The following MAGI2 variants were observed in gnomAD, a reference collection of about 807,000 sequenced individuals.
MAGI2 encodes membrane-associated guanylate kinase, WW and PDZ domain-containing protein 2.
A neutral mutation model predicts 133.3 loss-of-function variants in MAGI2; 35 were observed. The ratio of observed to expected loss-of-function variants is 0.26; its 90% CI spans 0.20 to 0.35. The LOEUF is 0.35. Among genes scored for constraint, MAGI2 ranks in the 10% least tolerant of loss-of-function variants. The pLI is 1.00. For synonymous variants in MAGI2, 729 were observed against 710.6 expected (o/e 1.03, Z -0.41); for missense variants, 1,636 against 1,863.4 (o/e 0.88, Z 2.25).
intron 10 of MAGI2, among the ~76,000 whole-genome samples, chr7:78,232,185 A>G (rs962669246): frequency 2.6e-4 from 39 of 152,202 alleles, no homozygotes; most frequent in African/African-American, 8.7e-4. Context: ...GACAAGGGCA[A>G]ATAGCTAAAC....
At chr7:79,259,327 G>A (rs1296497377) in intron 1 of MAGI2, among the ~76,000 whole-genome samples, 1 of 152,042 alleles carries the variant, frequency 6.6e-6, no homozygotes, top group Non-Finnish European at 1.5e-5. Context: ...AAGCTGAATG[G>A]CACCTTATAG....
intron 20 of MAGI2, among the ~76,000 whole-genome samples, chr7:78,110,339 T>G (rs148621098): frequency 5.3e-3 from 810 of 152,188 alleles, no homozygotes; most frequent in African/African-American, 0.019. Context: ...AGACCAGGGG[T>G]ATATGCATCC....
intron 1 of MAGI2, among the ~76,000 whole-genome samples, chr7:79,364,162 A>T (rs991040445): frequency 6.6e-6 from 1 of 152,034 alleles, no homozygotes; most frequent in African/African-American, 2.4e-5. Flanking sequence ...GACAGCCATT[A>T]TAAAAAACAG....
chr7:79,132,643 T>C (rs971502464), intron 1 of MAGI2, among the ~76,000 whole-genome samples: 1 of 152,124 alleles, frequency 6.6e-6, no homozygotes, highest in African/African-American at 2.4e-5. Context: ...CTTCTTTTCC[T>C]TTGCGTAGAT....
At chr7:78,269,776 C>T (rs1027743508) in intron 9 of MAGI2, among the ~76,000 whole-genome samples, 7 of 152,118 alleles carry the variant, frequency 4.6e-5, no homozygotes, top group African/African-American at 1.7e-4. Flanking sequence ...TTAATTAGAT[C>T]CCATTTGTCA....
chr7:78,883,787 T>C (rs548885533), intron 2 of MAGI2, among the ~76,000 whole-genome samples: 1 of 152,282 alleles, frequency 6.6e-6, no homozygotes, highest in East Asian at 1.9e-4. Context: ...GGTGCTGGGA[T>C]AACTGGCTAG....
chr7:78,969,755 T>C (rs1354930264), intron 2 of MAGI2, among the ~76,000 whole-genome samples: 2 of 152,098 alleles, frequency 1.3e-5, no homozygotes, highest in Non-Finnish European at 2.9e-5. Context: ...TCGAAATTAC[T>C]GCCTACTTTT....
intron 2 of MAGI2, among the ~76,000 whole-genome samples, chr7:78,993,760 T>C (rs1008748727): frequency 4.6e-5 from 7 of 152,186 alleles, no homozygotes; most frequent in African/African-American, 1.7e-4. Flanking sequence ...ATGGTTTTAT[T>C]ACCTGGGCTG....
At chr7:78,129,203 G>GGAGCA (rs3840602) in intron 18 of MAGI2, among the ~76,000 whole-genome samples, 14,856 of 152,124 alleles carry the variant, frequency 0.098, 793 homozygotes, top group African/African-American at 0.11. Flanking sequence ...AGTAAAAATA[G>GGAGCA]GAGCAGATGA....
intron 1 of MAGI2, among the ~76,000 whole-genome samples, chr7:79,281,198 A>G (rs569961671): frequency 1.3e-5 from 2 of 152,260 alleles, no homozygotes; most frequent in South Asian, 4.1e-4. Flanking sequence ...CAGGGACTAC[A>G]TACATTTTCC....
At chr7:79,137,509 G>A (rs1483825606) in intron 1 of MAGI2, among the ~76,000 whole-genome samples, 1 of 148,566 alleles carries the variant, frequency 6.7e-6, no homozygotes, top group East Asian at 2.0e-4. Context: ...GTGTAGTGTA[G>A]TGGTGTGATC....
chr7:78,833,130 C>G (rs1791335862), intron 2 of MAGI2, among the ~76,000 whole-genome samples: 1 of 152,166 alleles, frequency 6.6e-6, no homozygotes, highest in African/African-American at 2.4e-5. Flanking sequence ...ACTGTTACTG[C>G]TGATTAATAT....
intron 1 of MAGI2, among the ~76,000 whole-genome samples, chr7:79,391,540 C>CATATATATATATAT: frequency 2.1e-5 from 1 of 46,694 alleles, no homozygotes; most frequent in East Asian, 5.5e-4. Flanking sequence ...TATATATAGA[C>CATATATATATATAT]ATATATATAT....
At chr7:78,931,425 T>C (rs1478468967) in intron 2 of MAGI2, among the ~76,000 whole-genome samples, 1 of 152,130 alleles carries the variant, frequency 6.6e-6, no homozygotes, top group Non-Finnish European at 1.5e-5. Context: ...TGAGAGCCAG[T>C]GAGCAATTGG....
chr7:78,655,411 AAAC>A (rs1812073338), intron 2 of MAGI2, among the ~76,000 whole-genome samples: 1 of 148,728 alleles, frequency 6.7e-6, no homozygotes, highest in African/African-American at 2.5e-5. Flanking sequence ...ACAAAAAACA[AAAC>A]AAAACAAAAC....
At chr7:78,120,269 G>A (rs1217939804) in intron 20 of MAGI2, among the ~76,000 whole-genome samples, 1 of 152,120 alleles carries the variant, frequency 6.6e-6, no homozygotes, top group Admixed American at 6.5e-5. Flanking sequence ...CGGGCGTGGT[G>A]GCAGGTGCCT....
At chr7:79,241,608 C>T (rs1437293287) in intron 1 of MAGI2, among the ~76,000 whole-genome samples, 2 of 152,142 alleles carry the variant, frequency 1.3e-5, no homozygotes, top group Non-Finnish European at 2.9e-5. Context: ...AAACTGACCC[C>T]ATCTTTGTTT....
In MAGI2 at chr7:78,174,656, A is replaced by G. The variant is rs187680461; in HGVS notation, c.2403+3355T>C. Among the ~76,000 whole-genome samples, 28 of 152,240 alleles carry G rather than the reference A, an allele frequency of 1.8e-4. 1 individual carries two copies. The East Asian group carries it at 4.6e-3, about 25-fold the overall frequency. On this transcript the variant is annotated intron_variant, in intron 14 of 21. Transcript: ENST00000354212. The stretch of plus-strand genomic sequence containing the variant: ...TTGTCATTCATGGTGAGCCCCTTTG[A>G]CCATACCTGATGGTTTATGCTAAGG...
chr7:78,972,023 G>T (rs1457077259), intron 2 of MAGI2, among the ~76,000 whole-genome samples: 1 of 151,860 alleles, frequency 6.6e-6, no homozygotes, highest in African/African-American at 2.4e-5. Flanking sequence ...AATAAGAGAT[G>T]AAAAGGGCCT....
Sources: allele counts gnomAD v4.1 joint callset (sites outside exome capture counted in the v4.1 genomes callset), GRCh38; gene constraint gnomAD v4.1.1; transcripts MANE v1.5; gene names NCBI Gene and HGNC (gene_info 2026-07-23, HGNC 2026-07-21).